TBC1D32: variants seen among roughly 807,000 people sequenced by gnomAD.
The protein encoded by TBC1D32 is protein broad-minded.
TBC1D32 carries 151 observed loss-of-function variants against 170.3 expected under a neutral mutation model. The ratio of observed to expected loss-of-function variants is 0.89; its 90% CI spans 0.78 to 1.01. The LOEUF is 1.01. Among genes scored for constraint, TBC1D32 ranks in the 50% least tolerant of loss-of-function variants. TBC1D32 has a pLI of 0.00. For synonymous variants in TBC1D32, 498 were observed against 488.0 expected (o/e 1.02, Z -0.27); for missense variants, 1,464 against 1,457.1 (o/e 1.00, Z -0.08).
chr6:121,085,841 A>C (rs1267735706), intron 31 of TBC1D32, among the ~76,000 whole-genome samples: 2 of 152,092 alleles, frequency 1.3e-5, no homozygotes, highest in African/African-American at 4.8e-5. Context: ...GAAATATGTG[A>C]TTGTACCAGA....
intron 21 of TBC1D32, among the ~76,000 whole-genome samples, chr6:121,209,042 T>G (rs1792699793): frequency 6.6e-6 from 1 of 152,054 alleles, no homozygotes; most frequent in South Asian, 2.1e-4. Context: ...AGAATAATTA[T>G]AGCAAATATT....
At chr6:121,161,961 G>C (rs996747016) in intron 22 of TBC1D32, among the ~76,000 whole-genome samples, 2 of 152,042 alleles carry the variant, frequency 1.3e-5, no homozygotes, top group Non-Finnish European at 2.9e-5. Flanking sequence ...TCATATGTTT[G>C]TTGGCCACAT....
At chr6:121,276,119 CAAA>C (rs61692987) in intron 15 of TBC1D32, among the ~76,000 whole-genome samples, 2 of 87,682 alleles carry the variant, frequency 2.3e-5, no homozygotes. Context: ...GACCTTGTCT[CAAA>C]AAAAAAAAAA....
intron 24 of TBC1D32, among the ~76,000 whole-genome samples, chr6:121,146,393 A>G (rs1273707): frequency 0.18 from 28,104 of 152,178 alleles, 3,499 homozygotes; most frequent in African/African-American, 0.33. Context: ...TCATGATAAT[A>G]ATAGAAAGCC....
intron 4 of TBC1D32, 96 bp downstream of exon 4, chr6:121,310,683 C>T: frequency 6.3e-6 from 5 of 795,574 alleles, no homozygotes; most frequent in South Asian, 4.7e-5. Flanking sequence ...AAAGGCTTAG[C>T]CTCAAGGGAA....
chr6:121,134,427 T>C (rs1024914790), intron 24 of TBC1D32, among the ~76,000 whole-genome samples: 1 of 152,112 alleles, frequency 6.6e-6, no homozygotes, highest in African/African-American at 2.4e-5. Context: ...CACAAGGCAC[T>C]ATAATTGTAA....
Position 121,132,664 on chromosome 6 carries a change from G to T in TBC1D32, c.2774-912C>A, listed in dbSNP as rs756254567. 4.9e-4 allele frequency among the ~76,000 whole-genome samples: 74 copies of T among 152,016 alleles called. 1 individual carries two copies. The highest frequency in any genetic ancestry group is 9.8e-4 in the Admixed American group (15 of 15,268). ...GGGACCCAAAGAGGATGGAGGTAGA[G>T]ATTTTCTGCACATAAACTGAAGATA... On this transcript the variant is annotated intron_variant, in intron 24 of 31. Transcript: ENST00000398212.
intron 22 of TBC1D32, among the ~76,000 whole-genome samples, chr6:121,198,395 T>G (rs952746297): frequency 1.3e-5 from 2 of 149,798 alleles, no homozygotes; most frequent in African/African-American, 2.5e-5. Context: ...AAATGCCACA[T>G]AAAACTTGCA....
chr6:121,231,666 T>TG (rs1795756812), intron 20 of TBC1D32, among the ~76,000 whole-genome samples: 1 of 152,102 alleles, frequency 6.6e-6, no homozygotes, highest in Non-Finnish European at 1.5e-5. Context: ...ATTTCCCTAT[T>TG]AGTGATATTG....
intron 21 of TBC1D32, among the ~76,000 whole-genome samples, chr6:121,211,149 C>T (rs927179936): frequency 1.7e-4 from 25 of 144,876 alleles, no homozygotes; most frequent in Non-Finnish European, 2.9e-4. Context: ...CAACTGTGGG[C>T]GGGGCGGAGG....
intron 18 of TBC1D32, 55 bp downstream of exon 18, chr6:121,242,146 A>G: frequency 6.4e-7 from 1 of 1,562,364 alleles, no homozygotes; most frequent in Middle Eastern, 2.0e-4. Flanking sequence ...GATGTTCTTA[A>G]TGGCTTTTAA....
intron 24 of TBC1D32, among the ~76,000 whole-genome samples, chr6:121,133,355 T>G (rs1045271389): frequency 8.8e-4 from 134 of 152,122 alleles, no homozygotes; most frequent in African/African-American, 3.2e-3. Context: ...TAAAATTCCA[T>G]TTACTATATA....
chr6:121,289,174 GAAAT>G (rs1215939792), intron 12 of TBC1D32, among the ~76,000 whole-genome samples: 1 of 152,166 alleles, frequency 6.6e-6, no homozygotes, highest in Non-Finnish European at 1.5e-5. Context: ...GCAAGGGAAA[GAAAT>G]AAAGGGTATT....
At chr6:121,176,811 C>T (rs1413555115) in intron 22 of TBC1D32, among the ~76,000 whole-genome samples, 4 of 152,142 alleles carry the variant, frequency 2.6e-5, no homozygotes, top group Non-Finnish European at 5.9e-5. Context: ...GTTGGCCAGG[C>T]TGATCTCAAA....
chr6:121,161,983 T>A (rs567812127), intron 22 of TBC1D32, among the ~76,000 whole-genome samples: 1 of 152,236 alleles, frequency 6.6e-6, no homozygotes, highest in Non-Finnish European at 1.5e-5. Context: ...TATGTCTTCT[T>A]TTGAGAAGCA....
intron 22 of TBC1D32, among the ~76,000 whole-genome samples, chr6:121,198,237 ATAT>A (rs1277047521): frequency 4.3e-5 from 1 of 23,042 alleles, no homozygotes; most frequent in Non-Finnish European, 9.1e-4. Context: ...ATATATATAA[ATAT>A]ATATATTATA....
At chr6:121,119,710 A>C (rs1480362066) in intron 26 of TBC1D32, among the ~76,000 whole-genome samples, 1 of 152,190 alleles carries the variant, frequency 6.6e-6, no homozygotes, top group East Asian at 1.9e-4. Context: ...GCAAATGTGC[A>C]GAAGTTTATC....
intron 21 of TBC1D32, among the ~76,000 whole-genome samples, chr6:121,222,846 C>A (rs1029755092): frequency 6.6e-6 from 1 of 152,106 alleles, no homozygotes. Flanking sequence ...GTAGTTCATT[C>A]AAATATAAGC....
chr6:121,290,335 C>T (rs993745056), intron 12 of TBC1D32, among the ~76,000 whole-genome samples: 1 of 152,092 alleles, frequency 6.6e-6, no homozygotes, highest in South Asian at 2.1e-4. Flanking sequence ...AACAAGTGGG[C>T]AAAGGATATA....
Sources: allele counts gnomAD v4.1 joint callset (sites outside exome capture counted in the v4.1 genomes callset), GRCh38; gene constraint gnomAD v4.1.1; transcripts MANE v1.5; gene names NCBI Gene and HGNC (gene_info 2026-07-23, HGNC 2026-07-21).